PRKN: variants seen among roughly 807,000 people sequenced by gnomAD.
The protein encoded by PRKN is E3 ubiquitin-protein ligase parkin.
PRKN carries 56 observed loss-of-function variants against 59.5 expected under a neutral mutation model. The ratio of observed to expected loss-of-function variants is 0.94; its 90% confidence interval spans 0.76 to 1.18. The LOEUF (loss-of-function observed/expected upper bound fraction) is 1.18. PRKN is among the 50% of genes most tolerant of loss of function. The probability of loss-of-function intolerance (pLI) is 0.00; values close to 1 mark genes in which losing one functional copy is unlikely to be tolerated. For missense variants in PRKN, 657 were observed against 596.4 expected (o/e 1.10, Z -1.06); for synonymous variants, 250 against 222.1 (o/e 1.13, Z -1.12).
At chr6:162,682,219 C>T (rs1432626239) in intron 1 of PRKN, among the ~76,000 whole-genome samples, 1 of 151,970 alleles carries the variant, frequency 6.6e-6, no homozygotes, top group Admixed American at 6.6e-5. Context: ...CCCAGCTATG[C>T]AACCACAGAG....
chr6:161,447,124 C>T lies in PRKN; in HGVS notation c.1084-60247G>A, dbSNP rs1430865385. ...ATTTTCCTTCTCACCCCACACTGAGCGTTACTATAGCAACATCTTTCCTGC... is the reference window on the plus strand; with the variant it reads ...ATTTTCCTTCTCACCCCACACTGAGTGTTACTATAGCAACATCTTTCCTGC... On this transcript the variant is annotated intron_variant, in intron 9 of 11. Coordinates refer to ENST00000366898, the MANE Select transcript of PRKN (RefSeq NM_004562.3). The surrounding 1 kb of genome is among the most constrained non-coding windows in gnomAD (Gnocchi z 4.1). 6.6e-6 allele frequency among the ~76,000 whole-genome samples: 1 copy of T among 152,154 alleles called. No homozygotes were observed. The highest frequency in any genetic ancestry group is 1.5e-5 in the Non-Finnish European group (1 of 68,032).
intron 1 of PRKN, among the ~76,000 whole-genome samples, chr6:162,557,421 G>C (rs1430317246): frequency 6.6e-6 from 1 of 152,212 alleles, no homozygotes; most frequent in Non-Finnish European, 1.5e-5. Flanking sequence ...ACGTGGTCTT[G>C]CCCTGAACCC....
At chr6:161,426,644 T>TACACACACAC (rs546537464) in intron 9 of PRKN, among the ~76,000 whole-genome samples, 12 of 31,048 alleles carry the variant, frequency 3.9e-4, no homozygotes, top group Middle Eastern at 0.018. Flanking sequence ...AACTCCCCTT[T>TACACACACAC]ACACACACAC....
At chr6:161,698,743 A>G (rs1284301198) in intron 7 of PRKN, among the ~76,000 whole-genome samples, 2 of 152,188 alleles carry the variant, frequency 1.3e-5, no homozygotes, top group East Asian at 3.8e-4. Flanking sequence ...AGTAATGCTA[A>G]CATAATTTGA....
At chr6:162,017,590 T>C (rs1782976080) in intron 5 of PRKN, among the ~76,000 whole-genome samples, 1 of 138,532 alleles carries the variant, frequency 7.2e-6, no homozygotes, top group Non-Finnish European at 1.6e-5. Flanking sequence ...TGAAAAACCA[T>C]GGTTTAACAT....
rs535653923 is a variant in PRKN at position 162,726,979 on chromosome 6, T to C, written c.7+683A>G. 4.0e-5 allele frequency among the ~76,000 whole-genome samples: 6 copies of C among 148,278 alleles called. No homozygotes were observed. In the South Asian group the frequency reaches 1.3e-3, roughly 32 times the overall value. On this transcript the variant is annotated intron_variant, in intron 1 of 11. Coordinates refer to ENST00000366898, the MANE Select transcript of PRKN (RefSeq NM_004562.3). ...TGCCACTAAGTTTCGTTCACAAACTTGCACCTCGGTCGTTCTTTTACAAAA... is the reference window on the plus strand; with the variant it reads ...TGCCACTAAGTTTCGTTCACAAACTCGCACCTCGGTCGTTCTTTTACAAAA...
At chr6:161,920,556 C>T (rs191360542) in intron 6 of PRKN, among the ~76,000 whole-genome samples, 2 of 151,128 alleles carry the variant, frequency 1.3e-5, no homozygotes, top group Admixed American at 6.6e-5. Flanking sequence ...TTTGGGAGGC[C>T]GAAGTGGATC....
At chr6:161,805,066 T>C (rs943929089) in intron 6 of PRKN, among the ~76,000 whole-genome samples, 1 of 152,192 alleles carries the variant, frequency 6.6e-6, no homozygotes, top group Non-Finnish European at 1.5e-5. Flanking sequence ...CTAAACCACA[T>C]TTCCACTTTG....
Position 161,551,040 on chromosome 6 carries a change from T to A in PRKN, c.934-2037A>T. Reference sequence around the variant, plus strand: ...TACAGCACCTTTACCAGAAAAGAGGTCTAAGAGTTCGGATGGCAAACAAAC... The same window carrying A: ...TACAGCACCTTTACCAGAAAAGAGGACTAAGAGTTCGGATGGCAAACAAAC... On this transcript the variant is annotated intron_variant, in intron 8 of 11. Coordinates refer to ENST00000366898, the MANE Select transcript of PRKN (RefSeq NM_004562.3). This position sits in a 1 kb window ranked among gnomAD's most constrained non-coding sequence, Gnocchi z 5.2. 6.6e-6 allele frequency among the ~76,000 whole-genome samples: 1 copy of A among 150,634 alleles called. No individual in the cohort carries two copies. Among genetic ancestry groups the A allele is most frequent in the Admixed American group, 6.6e-5 (1 of 15,158 alleles).
intron 5 of PRKN, among the ~76,000 whole-genome samples, chr6:161,994,890 T>G (rs1291789883): frequency 6.6e-6 from 1 of 150,718 alleles, no homozygotes; most frequent in African/African-American, 2.4e-5. Context: ...ATGCAATCCC[T>G]ATCAAAATAA....
chr6:161,845,496 C>G (rs184169235), intron 6 of PRKN, among the ~76,000 whole-genome samples: 2 of 152,098 alleles, frequency 1.3e-5, no homozygotes, highest in South Asian at 4.1e-4. Context: ...AATGTCCTCA[C>G]GTGCCACAAG....
At position 161,376,378 on chromosome 6, in the gene PRKN, C is replaced by T. The variant is rs1036241397; in HGVS notation, c.1167+10416G>A. On this transcript the variant is annotated intron_variant, in intron 10 of 11. Transcript: ENST00000366898. The surrounding 1 kb of genome is among the most constrained non-coding windows in gnomAD (Gnocchi z 7.3). ...AATGAATGTGTGTCTCCCCGAACAA[C>T]CTGCTTTTGTTTCTGTCTCCTCTTC... Among the ~76,000 whole-genome samples, 260 of 152,354 alleles carry T rather than the reference C, an allele frequency of 1.7e-3. 1 individual carries two copies. Among genetic ancestry groups the T allele is most frequent in the Non-Finnish European group, 3.8e-4 (26 of 68,028 alleles).
rs936831158 is a variant in PRKN at position 161,395,745 on chromosome 6, C to T, written c.1084-8868G>A. On this transcript the variant is annotated intron_variant, in intron 9 of 11. Coordinates refer to ENST00000366898, the MANE Select transcript of PRKN (RefSeq NM_004562.3). This position sits in a 1 kb window ranked among gnomAD's most constrained non-coding sequence, Gnocchi z 5.0. Reference sequence around the variant, plus strand: ...CTAGCCAAAGCAATTACTCTGACCACGTTTAAGTCTTGTCTACACAGCCAA... The same window carrying T: ...CTAGCCAAAGCAATTACTCTGACCATGTTTAAGTCTTGTCTACACAGCCAA... Among the ~76,000 whole-genome samples the T allele has an allele frequency of 3.3e-5, 5 of 152,322 alleles. No homozygotes were observed. Among genetic ancestry groups the T allele is most frequent in the East Asian group, 1.9e-4 (1 of 5,180 alleles).
At chr6:162,213,059 A>G (rs1396912352) in intron 3 of PRKN, among the ~76,000 whole-genome samples, 1 of 152,234 alleles carries the variant, frequency 6.6e-6, no homozygotes, top group African/African-American at 2.4e-5. Flanking sequence ...ATAGGAAAAA[A>G]AATGAAGATA....
chr6:161,980,052 G>C (rs558676066), intron 5 of PRKN, among the ~76,000 whole-genome samples: 10 of 152,218 alleles, frequency 6.6e-5, no homozygotes, highest in African/African-American at 2.2e-4. Context: ...TACTATAAAG[G>C]TAGATGACAA....
intron 2 of PRKN, among the ~76,000 whole-genome samples, chr6:162,285,370 A>G (rs1583316019): frequency 7.0e-6 from 1 of 143,636 alleles, no homozygotes; most frequent in Admixed American, 7.7e-5. Context: ...CAGATACTTC[A>G]TTTTAATTAG....
chr6:161,595,199 A>G (rs759002173), intron 7 of PRKN, among the ~76,000 whole-genome samples: 2 of 152,244 alleles, frequency 1.3e-5, no homozygotes, highest in African/African-American at 4.8e-5. Context: ...CATGTATTAC[A>G]AGAACATCAA....
chr6:162,516,014 T>A (rs1469192612), intron 1 of PRKN, among the ~76,000 whole-genome samples: 1 of 152,144 alleles, frequency 6.6e-6, no homozygotes, highest in Non-Finnish European at 1.5e-5. Context: ...CAGTGGAGGG[T>A]GTTTCTTACC....
At chr6:162,168,260 T>G (rs939642311) in intron 4 of PRKN, among the ~76,000 whole-genome samples, 3 of 152,120 alleles carry the variant, frequency 2.0e-5, no homozygotes, top group African/African-American at 7.2e-5. Context: ...CAAGTGATAA[T>G]GCTTTATCAT....
Sources: allele counts gnomAD v4.1 joint callset (sites outside exome capture counted in the v4.1 genomes callset), GRCh38; gene constraint gnomAD v4.1.1; non-coding constraint Gnocchi (gnomAD v3.1); transcripts MANE v1.5; gene names NCBI Gene and HGNC (gene_info 2026-07-23, HGNC 2026-07-21).